The following MTHFD2L variants were observed in gnomAD, a reference collection of about 807,000 sequenced individuals.
The protein encoded by MTHFD2L is bifunctional methylenetetrahydrofolate dehydrogenase/cyclohydrolase 2, mitochondrial.
Under a neutral mutation model 34.9 loss-of-function variants are expected in MTHFD2L, and 29 were observed. That is an observed-to-expected ratio of 0.83 (90% CI 0.62 to 1.13). MTHFD2L has a LOEUF of 1.13. Ranked by LOEUF, MTHFD2L falls within the 50% of genes most tolerant of loss-of-function variation. The probability of loss-of-function intolerance (pLI) is 0.00; values close to 1 mark genes in which losing one functional copy is unlikely to be tolerated. For missense variants in MTHFD2L, 481 were observed against 446.5 expected (o/e 1.08, Z -0.70); for synonymous variants, 167 against 155.7 (o/e 1.07, Z -0.54).
chr4:74,158,956 C>G (rs1376634043), intron 1 of MTHFD2L, among the ~76,000 whole-genome samples: 1 of 152,168 alleles, frequency 6.6e-6, no homozygotes, highest in Admixed American at 6.5e-5. Context: ...GAAAATATAT[C>G]TTCTTGACCC....
Position 74,216,217 on chromosome 4 carries a change from C to T in MTHFD2L, c.713-9085C>T, listed in dbSNP as rs13125990. ...TAAAGCTACCATTGGCAACATTACT[C>T]TTCCTTCCCTAAACATTTCTTCTCA... On this transcript the variant is annotated intron_variant, in intron 5 of 7. Transcript: ENST00000325278. Among the ~76,000 whole-genome samples, 479 of 151,894 alleles carry T rather than the reference C, an allele frequency of 3.2e-3. 3 individuals are homozygous for T. Among genetic ancestry groups the T allele is most frequent in the Middle Eastern group, 6.8e-3 (2 of 294 alleles).
intron 6 of MTHFD2L, among the ~76,000 whole-genome samples, chr4:74,240,354 T>C (rs913067374): frequency 5.3e-5 from 8 of 152,096 alleles, no homozygotes; most frequent in African/African-American, 1.7e-4. Flanking sequence ...TAGAAATTTA[T>C]CCTAAAGAAT....
At chr4:74,146,512 C>T (rs1389004068) in intron 1 of MTHFD2L, among the ~76,000 whole-genome samples, 1 of 152,110 alleles carries the variant, frequency 6.6e-6, no homozygotes, top group East Asian at 1.9e-4. Flanking sequence ...CAATAAATCC[C>T]CATGCCCCTC....
chr4:74,250,451 T>C (rs562953212), intron 6 of MTHFD2L, among the ~76,000 whole-genome samples: 24 of 152,268 alleles, frequency 1.6e-4, no homozygotes, highest in Admixed American at 9.8e-4. Flanking sequence ...CCTGTGAAAA[T>C]GTAGACTCCA....
intron 3 of MTHFD2L, among the ~76,000 whole-genome samples, chr4:74,185,840 G>A (rs576303658): frequency 7.8e-4 from 119 of 152,212 alleles, no homozygotes; most frequent in Non-Finnish European, 1.5e-3. Context: ...AATATTTAAG[G>A]AAGAATAGTG....
At chr4:74,126,351 A>ATATAC (rs1722070852) in intron 1 of MTHFD2L, among the ~76,000 whole-genome samples, 1 of 152,184 alleles carries the variant, frequency 6.6e-6, no homozygotes, top group Non-Finnish European at 1.5e-5. Flanking sequence ...ACATTTCGGA[A>ATATAC]AGATTAATAA....
At chr4:74,272,396 G>T (rs1040951767) in intron 6 of MTHFD2L, among the ~76,000 whole-genome samples, 4 of 152,014 alleles carry the variant, frequency 2.6e-5, no homozygotes, top group Admixed American at 6.6e-5. Context: ...TCAATCAAAA[G>T]GTTGTTCTTT....
At chr4:74,173,267 G>A (rs1728371627) in intron 1 of MTHFD2L, among the ~76,000 whole-genome samples, 1 of 152,170 alleles carries the variant, frequency 6.6e-6, no homozygotes, top group Admixed American at 6.6e-5. Flanking sequence ...GTCATGGAGA[G>A]CAGAAAAGCC....
At chr4:74,246,978 A>G (rs1357048687) in intron 6 of MTHFD2L, among the ~76,000 whole-genome samples, 1 of 151,720 alleles carries the variant, frequency 6.6e-6, no homozygotes. Flanking sequence ...TTTTGGTTCC[A>G]TATGAACTTT....
At chr4:74,202,234 A>G (rs567608648) in intron 5 of MTHFD2L, among the ~76,000 whole-genome samples, 33 of 152,350 alleles carry the variant, frequency 2.2e-4, no homozygotes, top group Admixed American at 3.9e-4. Context: ...GGACTTCCCA[A>G]GTAGAAAGCA....
At chr4:74,200,349 A>T (rs1030594268) in intron 4 of MTHFD2L, among the ~76,000 whole-genome samples, 1 of 152,110 alleles carries the variant, frequency 6.6e-6, no homozygotes, top group Non-Finnish European at 1.5e-5. Context: ...ACAGAAAAAA[A>T]AATCCAAAAT....
chr4:74,269,130 A>G (rs1745651595), intron 6 of MTHFD2L, among the ~76,000 whole-genome samples: 1 of 152,162 alleles, frequency 6.6e-6, no homozygotes, highest in Non-Finnish European at 1.5e-5. Flanking sequence ...TAAATCAGAA[A>G]TCTTCTTACT....
chr4:74,242,873 C>A (rs7669570), intron 6 of MTHFD2L, among the ~76,000 whole-genome samples: 1,992 of 152,264 alleles, frequency 0.013, 49 homozygotes, highest in African/African-American at 0.046. Context: ...AAACAAAAAA[C>A]CAACATGTGT....
At chr4:74,117,455 G>A (rs967498856) in intron 2 of MTHFD2L, among the ~76,000 whole-genome samples, 4 of 152,194 alleles carry the variant, frequency 2.6e-5, no homozygotes, top group African/African-American at 9.6e-5. Context: ...CAGGCCTGGA[G>A]AACAAACCTT....
intron 3 of MTHFD2L, among the ~76,000 whole-genome samples, chr4:74,188,241 C>T (rs951160874): frequency 1.3e-5 from 2 of 152,182 alleles, no homozygotes; most frequent in Non-Finnish European, 2.9e-5. Flanking sequence ...GAGGCTTAAA[C>T]AGCAGAAATG....
chr4:74,264,621 T>C (rs934534481), intron 6 of MTHFD2L, among the ~76,000 whole-genome samples: 2 of 152,080 alleles, frequency 1.3e-5, no homozygotes, highest in Non-Finnish European at 2.9e-5. Context: ...AGAGATGCTT[T>C]ATCTATATCT....
At chr4:74,275,052 C>A (rs1006884130) in intron 6 of MTHFD2L, among the ~76,000 whole-genome samples, 5 of 152,126 alleles carry the variant, frequency 3.3e-5, no homozygotes, top group African/African-American at 1.2e-4. Context: ...ATCAACGCAT[C>A]ACCTAGGTTT....
At chr4:74,230,802 G>T (rs1273715604) in intron 6 of MTHFD2L, among the ~76,000 whole-genome samples, 1 of 152,036 alleles carries the variant, frequency 6.6e-6, no homozygotes, top group Admixed American at 6.5e-5. Context: ...GGAGATCATT[G>T]GGCTTTCTCG....
At chr4:74,268,007 T>A (rs985493808) in intron 6 of MTHFD2L, 7 of 985,080 alleles carry the variant, frequency 7.1e-6, no homozygotes, top group African/African-American at 7.0e-5. Context: ...GCATGAATAT[T>A]ATTCTCATGA....
Sources: allele counts gnomAD v4.1 joint callset (sites outside exome capture counted in the v4.1 genomes callset), GRCh38; gene constraint gnomAD v4.1.1; transcripts MANE v1.5; gene names NCBI Gene and HGNC (gene_info 2026-07-23, HGNC 2026-07-21).